The following ZUP1 variants were observed in gnomAD, a reference collection of about 807,000 sequenced individuals.
ZUP1 encodes zinc finger containing ubiquitin peptidase 1.
A neutral mutation model predicts 68.1 loss-of-function variants in ZUP1; 55 were observed. The observed-to-expected ratio is 0.81, with a 90% CI of 0.65 to 1.01. The LOEUF (loss-of-function observed/expected upper bound fraction) is 1.01. Ranked by LOEUF, ZUP1 falls within the 50% of genes least tolerant of loss-of-function variation. The pLI, the probability that ZUP1 is intolerant of heterozygous loss-of-function variation, is 0.00. For synonymous variants in ZUP1, 223 were observed against 221.5 expected, an observed-to-expected ratio of 1.01 and a Z score of -0.06; for missense variants, 684 against 674.9, an observed-to-expected ratio of 1.01 and a Z score of -0.15.
intron 9 of ZUP1, 131 bp downstream of exon 9, chr6:116,645,583 C>CA (rs59393240): frequency 0.088 from 37,683 of 427,762 alleles, 562 homozygotes; most frequent in African/African-American, 0.23. Flanking sequence ...ACCCTGTCTC[C>CA]AAAAAAAAAA....
chr6:116,637,132 A>C (rs893031882), intron 9 of ZUP1, among the ~76,000 whole-genome samples: 1 of 152,232 alleles, frequency 6.6e-6, no homozygotes, highest in Non-Finnish European at 1.5e-5. Flanking sequence ...AAGCTCAGCA[A>C]ACATGACTAT....
At chr6:116,646,700 G>A (rs1174520220) in intron 8 of ZUP1, among the ~76,000 whole-genome samples, 1 of 152,080 alleles carries the variant, frequency 6.6e-6, no homozygotes, top group Non-Finnish European at 1.5e-5. Context: ...TCAGCCTCCT[G>A]AGTAGCTAGG....
intron 9 of ZUP1, 51 bp from the exon 10 acceptor site, chr6:116,635,930 G>C: frequency 8.1e-7 from 1 of 1,237,310 alleles, no homozygotes; most frequent in African/African-American, 1.5e-5. Flanking sequence ...CAATTAATTA[G>C]AATATGTGTT....
At chr6:116,637,656 T>C (rs1348136469) in intron 9 of ZUP1, among the ~76,000 whole-genome samples, 2 of 152,210 alleles carry the variant, frequency 1.3e-5, no homozygotes, top group African/African-American at 4.8e-5. Flanking sequence ...TCCACAGTAA[T>C]ACTTAACCAC....
Position 116,666,842 on chromosome 6 carries a change from G to A in ZUP1, c.351C>T (p.Gly117=), listed in dbSNP as rs757649155. ...LTKDSTLKHE[G]FYSENLTESR... ...ATTCAGTTAAGTTCTCTGAATAGAAGCCTTCATGTTTTAAAGTACTATCTT... is the reference window on the plus strand; with the variant it reads ...ATTCAGTTAAGTTCTCTGAATAGAAACCTTCATGTTTTAAAGTACTATCTT... The change falls in exon 2 of 10, where the codon GGC becomes GGT. Residue 117 remains glycine (G), a synonymous_variant. Coordinates refer to ENST00000368576, the MANE Select transcript of ZUP1 (RefSeq NM_145062.3). The A allele has an allele frequency of 3.1e-6, 5 of 1,610,914 alleles. No homozygotes were observed. The highest frequency in any genetic ancestry group is 1.7e-5 in the Admixed American group (1 of 59,326).
At chr6:116,653,033 TA>T (rs1393249603) in intron 5 of ZUP1, among the ~76,000 whole-genome samples, 1 of 152,078 alleles carries the variant, frequency 6.6e-6, no homozygotes, top group Non-Finnish European at 1.5e-5. Context: ...TGGCACTATC[TA>T]AATGCTAAGT....
chr6:116,656,854 T>C lies in ZUP1; in HGVS notation c.793-2A>G. The C allele has an allele frequency of 6.4e-7, 1 of 1,563,642 alleles. No individual in the cohort carries two copies. The highest frequency in any genetic ancestry group is 1.4e-5 in the African/African-American group (1 of 72,578). ...AGAATTATCTAAACCATATTGTCTC[T>C]ATTGAACATAAAAATAAATGACTTA... On this transcript the variant is annotated splice_acceptor_variant, in intron 4 of 9. Coordinates refer to ENST00000368576, the MANE Select transcript of ZUP1 (RefSeq NM_145062.3). LOFTEE classifies it high-confidence loss of function.
chr6:116,652,223 A>T lies in ZUP1; in HGVS notation c.962-31T>A. 3 of 1,562,876 alleles carry T rather than the reference A, an allele frequency of 1.9e-6. 1 individual carries two copies. In the South Asian group the frequency reaches 3.4e-5, roughly 18 times the overall value. ...GTAGAAAAGAGATTCAGAAGCAGTC[A>T]TTATCACCTTTATATTGCTATCTCA... On this transcript the variant is annotated intron_variant, in intron 5 of 9. Transcript: ENST00000368576.
Position 116,667,171 on chromosome 6 carries a change from C to A in ZUP1, c.22G>T (p.Gly8Cys). 1 of 1,587,630 alleles carries A rather than the reference C, an allele frequency of 6.3e-7. No individual in the cohort carries two copies. The highest frequency in any genetic ancestry group is 1.4e-5 in the African/African-American group (1 of 74,046). Residue 8 changes from glycine (G) to cysteine (C), a missense_variant, in exon 2 of 10, where the codon GGT (glycine) becomes TGT (cysteine). By Grantham distance (159) the Gly-to-Cys change is radical (BLOSUM62 -3). Transcript: ENST00000368576. MLSCNIC[G>C]ETVTSEPDMK... The stretch of plus-strand genomic sequence containing the variant: ...TCTGGTTCTGAGGTTACTGTTTCAC[C>A]ACAAATATTACAGGAAAGCATGGTA...
chr6:116,635,952 G>A, intron 9 of ZUP1, 73 bp from the exon 10 acceptor site: 5 of 1,023,844 alleles, frequency 4.9e-6, no homozygotes, highest in South Asian at 2.1e-5. Flanking sequence ...TCATTCTAAT[G>A]TAAAAAATAA....
At chr6:116,649,825 A>T (rs957402237) in intron 7 of ZUP1, among the ~76,000 whole-genome samples, 1 of 152,206 alleles carries the variant, frequency 6.6e-6, no homozygotes, top group Non-Finnish European at 1.5e-5. Context: ...TTAATGTTTC[A>T]TTCTTCACTC....
At chr6:116,636,560 G>C (rs1044936126) in intron 9 of ZUP1, among the ~76,000 whole-genome samples, 4 of 152,054 alleles carry the variant, frequency 2.6e-5, no homozygotes, top group African/African-American at 9.7e-5. Context: ...ATCTAGAACA[G>C]AGTCTGAAAT....
At chr6:116,639,389 A>G (rs1360056154) in intron 9 of ZUP1, among the ~76,000 whole-genome samples, 2 of 152,374 alleles carry the variant, frequency 1.3e-5, no homozygotes, top group Non-Finnish European at 2.9e-5. Flanking sequence ...TGCCTCCTCA[A>G]GTGGGTCCCT....
At chr6:116,636,940 G>A (rs1047390473) in intron 9 of ZUP1, among the ~76,000 whole-genome samples, 1 of 152,066 alleles carries the variant, frequency 6.6e-6, no homozygotes, top group Non-Finnish European at 1.5e-5. Context: ...CTGATGATCT[G>A]CAAAACACTT....
At chr6:116,647,733 AAAG>A (rs1301433689) in intron 7 of ZUP1, 123 bp from the exon 8 acceptor site, 3 of 699,070 alleles carry the variant, frequency 4.3e-6, no homozygotes, top group Admixed American at 4.0e-5. Flanking sequence ...CTTTCCTATA[AAAG>A]AAGAAAAGTA....
intron 3 of ZUP1, among the ~76,000 whole-genome samples, chr6:116,660,035 C>G (rs1282720914): frequency 6.6e-6 from 1 of 152,158 alleles, no homozygotes; most frequent in East Asian, 1.9e-4. Context: ...CATACAAAGC[C>G]TATCATAAAT....
At chr6:116,642,303 A>G (rs1776130161) in intron 9 of ZUP1, among the ~76,000 whole-genome samples, 1 of 152,222 alleles carries the variant, frequency 6.6e-6, no homozygotes, top group African/African-American at 2.4e-5. Context: ...TCCGATCAAT[A>G]GAAAAAGAGG....
intron 7 of ZUP1, among the ~76,000 whole-genome samples, chr6:116,650,988 T>TC (rs1266539454): frequency 6.6e-6 from 1 of 151,540 alleles, no homozygotes; most frequent in Non-Finnish European, 1.5e-5. Flanking sequence ...AGGCAAAAAG[T>TC]CCAGATTGGA....
chr6:116,645,495 C>T (rs1334297002), intron 9 of ZUP1, among the ~76,000 whole-genome samples: 1 of 149,364 alleles, frequency 6.7e-6, no homozygotes, highest in Admixed American at 6.7e-5. Context: ...GCAGGAGGAT[C>T]GCTTGAGCCT....
Sources: gnomAD v4.1 joint callset for allele counts (sites outside exome capture counted in the v4.1 genomes callset) on GRCh38, gnomAD v4.1.1 for gene constraint, MANE v1.5 for transcripts, NCBI Gene and HGNC (gene_info 2026-07-23, HGNC 2026-07-21) for gene names.